The following PAK1 variants were observed in gnomAD, a reference collection of about 807,000 sequenced individuals.
PAK1 encodes the protein p21 (RAC1) activated kinase 1.
A neutral mutation model predicts 67.4 loss-of-function variants in PAK1; 29 were observed. The ratio of observed to expected loss-of-function variants is 0.43; its 90% CI spans 0.32 to 0.59. The LOEUF (loss-of-function observed/expected upper bound fraction) is 0.59, where lower values mean the gene tolerates loss of function less well. Ranked by LOEUF, PAK1 falls within the 20% of genes least tolerant of loss-of-function variation. The pLI, the probability that PAK1 is intolerant of heterozygous loss-of-function variation, is 0.07. For missense variants in PAK1, 337 were observed against 670.7 expected, an observed-to-expected ratio of 0.50 and a Z score of 5.50; for synonymous variants, 223 against 237.4, an observed-to-expected ratio of 0.94 and a Z score of 0.56.
chr11:77,468,065 G>A (rs1472447866), intron 1 of PAK1, among the ~76,000 whole-genome samples: 1 of 152,176 alleles, frequency 6.6e-6, no homozygotes, highest in Non-Finnish European at 1.5e-5. Flanking sequence ...GATTCAAAAG[G>A]CAGATTCTAT....
At chr11:77,386,305 G>C (rs1950444046) in intron 2 of PAK1, among the ~76,000 whole-genome samples, 1 of 152,230 alleles carries the variant, frequency 6.6e-6, no homozygotes, top group Admixed American at 6.5e-5. Context: ...CAAACTTGGA[G>C]AGATAAACAC....
intron 8 of PAK1, among the ~76,000 whole-genome samples, chr11:77,352,084 G>A (rs1207142462): frequency 4.6e-5 from 7 of 151,822 alleles, no homozygotes. Flanking sequence ...GCTTGTTCTT[G>A]AATTTCATAT....
At chr11:77,358,686 A>G (rs1946370569) in intron 6 of PAK1, among the ~76,000 whole-genome samples, 1 of 152,136 alleles carries the variant, frequency 6.6e-6, no homozygotes, top group Non-Finnish European at 1.5e-5. Flanking sequence ...ACACTTTGGG[A>G]CTATCTGCAA....
At chr11:77,401,350 C>G (rs1194949393) in intron 1 of PAK1, among the ~76,000 whole-genome samples, 1 of 152,062 alleles carries the variant, frequency 6.6e-6, no homozygotes, top group African/African-American at 2.4e-5. Context: ...TTAGCAACAC[C>G]TGCTAGAGCA....
chr11:77,520,800 G>A, the PAK1 span, among the ~76,000 whole-genome samples: 1 of 152,178 alleles, frequency 6.6e-6, no homozygotes, highest in Non-Finnish European at 1.5e-5. Context: ...GAGGGCACCA[G>A]GCATCCCTGG....
the PAK1 span, among the ~76,000 whole-genome samples, chr11:77,513,410 T>A: frequency 6.6e-6 from 1 of 152,276 alleles, no homozygotes; most frequent in Non-Finnish European, 1.5e-5. Flanking sequence ...GGCTCATGCC[T>A]GTAATCCCAG....
chr11:77,349,135 A>AC (rs926041633), intron 9 of PAK1, 104 bp downstream of exon 9: 15 of 841,796 alleles, frequency 1.8e-5, no homozygotes, highest in South Asian at 9.6e-5. Flanking sequence ...AAAAAAAAAA[A>AC]AAAAAACCTA....
the PAK1 span, among the ~76,000 whole-genome samples, chr11:77,500,625 C>A: frequency 6.6e-6 from 1 of 152,006 alleles, no homozygotes; most frequent in East Asian, 1.9e-4. Flanking sequence ...GCAGGAGGAT[C>A]ATTTGAGCCC....
the PAK1 span, among the ~76,000 whole-genome samples, chr11:77,521,745 A>G: frequency 6.6e-6 from 1 of 152,186 alleles, no homozygotes; most frequent in African/African-American, 2.4e-5. Context: ...TACTTTCCCA[A>G]AAAGGAAACC....
the PAK1 span, among the ~76,000 whole-genome samples, chr11:77,528,301 T>C: frequency 6.6e-6 from 1 of 151,974 alleles, no homozygotes; most frequent in South Asian, 2.1e-4. Context: ...ATCCACGTAA[T>C]TTTCCTACAT....
intron 12 of PAK1, among the ~76,000 whole-genome samples, chr11:77,336,608 A>T (rs1942732304): frequency 6.6e-6 from 1 of 152,022 alleles, no homozygotes; most frequent in African/African-American, 2.4e-5. Flanking sequence ...TTCTTGAAAA[A>T]CCATTCCCAT....
At chr11:77,485,564 C>G in the PAK1 span, among the ~76,000 whole-genome samples, 1 of 152,168 alleles carries the variant, frequency 6.6e-6, no homozygotes, top group Non-Finnish European at 1.5e-5. Flanking sequence ...CAACCTCTGC[C>G]TCCTGGGTTC....
the PAK1 span, among the ~76,000 whole-genome samples, chr11:77,513,472 C>T: frequency 6.6e-6 from 1 of 151,844 alleles, no homozygotes; most frequent in African/African-American, 2.4e-5. Flanking sequence ...TAGTTCGAGA[C>T]AAGCCTGGCC....
chr11:77,330,725 GCAA>G (rs1941299081), intron 14 of PAK1, among the ~76,000 whole-genome samples: 1 of 152,134 alleles, frequency 6.6e-6, no homozygotes, highest in Non-Finnish European at 1.5e-5. Context: ...ATAGGCATGG[GCAA>G]GGACTTCATG....
chr11:77,335,769 C>A (rs192142172), intron 13 of PAK1, among the ~76,000 whole-genome samples: 5 of 152,308 alleles, frequency 3.3e-5, no homozygotes, highest in African/African-American at 9.6e-5. Flanking sequence ...CACACCTGTT[C>A]CTCCATTACT....
intron 1 of PAK1, among the ~76,000 whole-genome samples, chr11:77,441,918 C>T (rs117369983): frequency 1.4e-4 from 22 of 152,296 alleles, no homozygotes; most frequent in Admixed American, 1.0e-3. Flanking sequence ...TTCTTGTGTT[C>T]CCGACCCTCA....
chr11:77,529,157 A>G, the PAK1 span, among the ~76,000 whole-genome samples: 2 of 152,184 alleles, frequency 1.3e-5, no homozygotes, highest in East Asian at 3.8e-4. Context: ...GTAGGTCTCA[A>G]AAATATACAT....
intron 1 of PAK1, among the ~76,000 whole-genome samples, chr11:77,455,146 G>T (rs1565714767): frequency 6.6e-6 from 1 of 152,092 alleles, no homozygotes; most frequent in Non-Finnish European, 1.5e-5. Flanking sequence ...AGCCAAATTT[G>T]AGTCAGAATT....
chr11:77,428,955 T>A (rs866712570), intron 1 of PAK1, among the ~76,000 whole-genome samples: 1 of 150,146 alleles, frequency 6.7e-6, no homozygotes, highest in Non-Finnish European at 1.5e-5. Context: ...AGAACCTCAT[T>A]TCCTCATTAT....
Sources: gnomAD v4.1 joint callset for allele counts (sites outside exome capture counted in the v4.1 genomes callset) on GRCh38, gnomAD v4.1.1 for gene constraint, MANE v1.5 for transcripts, NCBI Gene and HGNC (gene_info 2026-07-23, HGNC 2026-07-21) for gene names.